Variants in NSRP1 observed in about 807,000 individuals in gnomAD.
NSRP1 encodes coiled-coil domain containing 55.
NSRP1 carries 24 observed loss-of-function variants against 54.7 expected under a neutral mutation model. That is an observed-to-expected ratio of 0.44 (90% CI 0.32 to 0.62). The LOEUF is 0.62. Among genes scored for constraint, NSRP1 ranks in the 20% least tolerant of loss-of-function variants. NSRP1 has a pLI of 0.06. For missense variants in NSRP1, 596 were observed against 651.2 expected (o/e 0.92, Z 0.92); for synonymous variants, 210 against 213.8 (o/e 0.98, Z 0.15).
At chr17:30,133,815 C>T (rs1407765836) in intron 2 of NSRP1, among the ~76,000 whole-genome samples, 1 of 152,210 alleles carries the variant, frequency 6.6e-6, no homozygotes, top group African/African-American at 2.4e-5. Flanking sequence ...CTTCAGACTA[C>T]TAAAATTCTC....
intron 2 of NSRP1, among the ~76,000 whole-genome samples, chr17:30,134,954 A>T (rs1313323684): frequency 6.6e-6 from 1 of 152,160 alleles, no homozygotes; most frequent in Non-Finnish European, 1.5e-5. Context: ...TGAGGAGATT[A>T]GGCTATATTT....
At chr17:30,119,085 A>AT (rs1053446191) in intron 2 of NSRP1, among the ~76,000 whole-genome samples, 6 of 144,814 alleles carry the variant, frequency 4.1e-5, no homozygotes, top group African/African-American at 5.1e-5. Flanking sequence ...ATGTTTTAAT[A>AT]TTTTTTTTTC....
chr17:30,148,447 AAAG>A (rs1468302772), intron 2 of NSRP1, among the ~76,000 whole-genome samples: 4 of 152,224 alleles, frequency 2.6e-5, no homozygotes, highest in Non-Finnish European at 5.9e-5. Flanking sequence ...ATGCCCTTTA[AAAG>A]AAGATTATTG....
intron 2 of NSRP1, among the ~76,000 whole-genome samples, chr17:30,138,914 T>TTTG (rs1285166557): frequency 4.0e-5 from 5 of 124,900 alleles, no homozygotes; most frequent in African/African-American, 5.9e-5. Context: ...TTAGCGTTTT[T>TTTG]TTTTTTTTTT....
intron 2 of NSRP1, among the ~76,000 whole-genome samples, chr17:30,121,215 T>A (rs1197939308): frequency 6.6e-6 from 1 of 152,216 alleles, no homozygotes; most frequent in African/African-American, 2.4e-5. Flanking sequence ...AATTCGGTGA[T>A]ATCATCACAC....
In NSRP1 at chr17:30,184,918, A is replaced by G; in HGVS notation, c.921A>G (p.Ser307=). 7 of 1,614,182 alleles carry G rather than the reference A, an allele frequency of 4.3e-6. No individual in the cohort carries two copies. The highest frequency in any genetic ancestry group is 5.9e-6 in the Non-Finnish European group (7 of 1,180,042). ...GHSTRHHTKG[S]RTSRGHEKRE... Reference sequence around the variant, plus strand: ...GTACCAGGCACCACACGAAAGGATCACGAACGTCGAGAGGACATGAGAAAA... The same window carrying G: ...GTACCAGGCACCACACGAAAGGATCGCGAACGTCGAGAGGACATGAGAAAA... The change falls in exon 7 of 7, where the codon TCA becomes TCG. Residue 307 remains serine, a synonymous_variant. Coordinates refer to ENST00000247026, the MANE Select transcript of NSRP1 (RefSeq NM_032141.4).
At chr17:30,178,307 G>A in intron 4 of NSRP1, 108 bp downstream of exon 4, 1 of 1,168,010 alleles carries the variant, frequency 8.6e-7, no homozygotes, top group African/African-American at 1.6e-5. Context: ...GGTATGTGAG[G>A]TGTGAAGAGT....
Position 30,147,856 on chromosome 17 carries a change from G to C in NSRP1, c.115-24686G>C, listed in dbSNP as rs531558168. Among the ~76,000 whole-genome samples, 10 of 149,406 alleles carry C rather than the reference G, an allele frequency of 6.7e-5. No homozygotes were observed. The Admixed American group carries it at 6.7e-4, about 10-fold the overall frequency. On this transcript the variant is annotated intron_variant, in intron 2 of 6. Transcript: ENST00000247026. ...GACGGAGTTTCGCTCTTGTCCCCCT[G>C]GCTGGAGTGCAATGGCGCAACCTCA... is the stretch of plus-strand genomic sequence containing the variant.
chr17:30,158,008 A>G (rs1418303756), intron 2 of NSRP1, among the ~76,000 whole-genome samples: 1 of 152,160 alleles, frequency 6.6e-6, no homozygotes, highest in Non-Finnish European at 1.5e-5. Context: ...GATACCCAAT[A>G]GTGAGATTGC....
Position 30,185,381 on chromosome 17 carries a change from G to A in NSRP1, c.1384G>A (p.Ala462Thr). The A allele has an allele frequency of 1.2e-6, 2 of 1,612,494 alleles. No homozygotes were observed. The highest frequency in any genetic ancestry group is 1.7e-6 in the Non-Finnish European group (2 of 1,179,658). Residue 462 changes from alanine to threonine, a missense_variant, in exon 7 of 7, where the codon GCA becomes ACA. Transcript: ENST00000247026. ...AAAGGAAAGCAGCCCAAATTCTAGG[G>A]CAAAGGATAAATTTCTTGACCAAGA... ...DRKESSPNSR[A>T]KDKFLDQERS...
chr17:30,132,019 C>T (rs2071704240), intron 2 of NSRP1, among the ~76,000 whole-genome samples: 1 of 151,662 alleles, frequency 6.6e-6, no homozygotes, highest in Non-Finnish European at 1.5e-5. Flanking sequence ...GAGGCCGAGG[C>T]GGGCGGATCA....
At chr17:30,158,818 T>G (rs1441614362) in intron 2 of NSRP1, among the ~76,000 whole-genome samples, 1 of 152,174 alleles carries the variant, frequency 6.6e-6, no homozygotes, top group Non-Finnish European at 1.5e-5. Flanking sequence ...TCCATTTTGG[T>G]CTATGTGTCT....
intron 3 of NSRP1, among the ~76,000 whole-genome samples, chr17:30,172,921 A>G (rs1905002976): frequency 6.6e-6 from 1 of 152,062 alleles, no homozygotes; most frequent in South Asian, 2.1e-4. Flanking sequence ...CCCAGAAAGA[A>G]GAATATCAGA....
chr17:30,166,736 A>G (rs1904741501), intron 2 of NSRP1, among the ~76,000 whole-genome samples: 1 of 152,140 alleles, frequency 6.6e-6, no homozygotes, highest in African/African-American at 2.4e-5. Context: ...CAGCCTAGCC[A>G]TCATGGCAGA....
At chr17:30,132,014 C>T (rs1251044609) in intron 2 of NSRP1, among the ~76,000 whole-genome samples, 1 of 151,146 alleles carries the variant, frequency 6.6e-6, no homozygotes, top group Non-Finnish European at 1.5e-5. Context: ...TTTGGGAGGC[C>T]GAGGCGGGCG....
Position 30,186,458 on chromosome 17 carries a change from A to T in NSRP1, c.*784A>T, listed in dbSNP as rs1905546881. ...AGTTGGCTTAAATGAAAATAAAATG[A>T]TATGCTTATACATTTTATTTATGCA... On this transcript the variant is annotated 3_prime_UTR_variant, in exon 7 of 7. Transcript: ENST00000247026. The T allele has an allele frequency of 1.3e-5, 2 of 152,198 alleles. No homozygotes were observed. Among genetic ancestry groups the T allele is most frequent in the Non-Finnish European group, 2.9e-5 (2 of 68,038 alleles). 9.4% of individuals were successfully genotyped at this position (152,198 alleles called of 1,614,324 possible).
rs777186267 is a variant in NSRP1 at position 30,172,536 on chromosome 17, T to C, written c.115-6T>C. The C allele has an allele frequency of 1.7e-5, 27 of 1,602,970 alleles. No individual in the cohort carries two copies. Among genetic ancestry groups the C allele is most frequent in the Non-Finnish European group, 2.1e-5 (25 of 1,174,400 alleles). ...TAAAAAGTGACAATATATTTCTGTT[T>C]TACAGACCTCTGTGAGTGAAAGCCT... On this transcript the variant is annotated splice_region_variant and splice_polypyrimidine_tract_variant and intron_variant, in intron 2 of 6. Coordinates refer to ENST00000247026, the MANE Select transcript of NSRP1 (RefSeq NM_032141.4).
At chr17:30,117,225 TC>T (rs1476414982) in intron 1 of NSRP1, 13 of 624,404 alleles carry the variant, frequency 2.1e-5, no homozygotes, top group South Asian at 1.9e-4. Context: ...GAGAGACAGT[TC>T]CTGGCTTCCT....
chr17:30,133,602 A>G (rs545635404), intron 2 of NSRP1, among the ~76,000 whole-genome samples: 1 of 152,298 alleles, frequency 6.6e-6, no homozygotes, highest in African/African-American at 2.4e-5. Flanking sequence ...CAGCCTTTGA[A>G]GCTTTGAAGC....
Sources: allele counts gnomAD v4.1 joint callset (sites outside exome capture counted in the v4.1 genomes callset), GRCh38; gene constraint gnomAD v4.1.1; transcripts MANE v1.5; gene names NCBI Gene and HGNC (gene_info 2026-07-23, HGNC 2026-07-21).